The following PTPRF variants were observed in gnomAD, a reference collection of about 807,000 sequenced individuals.
PTPRF encodes the protein protein tyrosine phosphatase receptor type F, also known as receptor-type tyrosine-protein phosphatase F.
In PTPRF, 59 loss-of-function variants were observed where a neutral mutation model predicts 201.8. The observed-to-expected ratio is 0.29, with a 90% CI of 0.24 to 0.36. The LOEUF (loss-of-function observed/expected upper bound fraction) is 0.36, where lower values mean the gene tolerates loss of function less well. Among genes scored for constraint, PTPRF ranks in the 10% least tolerant of loss-of-function variants. The probability of loss-of-function intolerance (pLI) is 1.00; values close to 1 mark genes in which losing one functional copy is unlikely to be tolerated. For synonymous variants in PTPRF, 1,088 were observed against 1,089.7 expected (o/e 1.00, Z 0.03); for missense variants, 2,132 against 2,690.5 (o/e 0.79, Z 4.59).
At position 43,606,799 on chromosome 1, in the gene PTPRF, T is replaced by C; in HGVS notation, c.3703-15T>C. 1 of 1,611,146 alleles carries C rather than the reference T, an allele frequency of 6.2e-7. No homozygotes were observed. The highest frequency in any genetic ancestry group is 8.5e-7 in the Non-Finnish European group (1 of 1,178,734). On this transcript the variant is annotated splice_polypyrimidine_tract_variant and intron_variant, in intron 20 of 33. Coordinates refer to ENST00000359947, the MANE Select transcript of PTPRF (RefSeq NM_002840.5). ...ACGCTGAGCTCACAGCCTGCTGTTCTCCACCGGGCCACAGAAGCGCTATGC... is the reference window on the plus strand; with the variant it reads ...ACGCTGAGCTCACAGCCTGCTGTTCCCCACCGGGCCACAGAAGCGCTATGC...
At chr1:43,621,601 C>G (rs894537888) in intron 33 of PTPRF, among the ~76,000 whole-genome samples, 1 of 152,174 alleles carries the variant, frequency 6.6e-6, no homozygotes, top group Non-Finnish European at 1.5e-5. Context: ...TTCTTTCATT[C>G]GGCAGCTCTC....
Position 43,613,719 on chromosome 1 carries a change from A to T in PTPRF, c.4071+4A>T. The T allele has an allele frequency of 6.2e-7, 1 of 1,612,700 alleles. No individual in the cohort carries two copies. Among genetic ancestry groups the T allele is most frequent in the Non-Finnish European group, 8.5e-7 (1 of 1,178,692 alleles). ...CAAGTTCTCCCAGGAGTATGAGGTG[A>T]GATGTTCCCGCCCCCTACCATGTGC... On this transcript the variant is annotated splice_donor_region_variant and intron_variant, in intron 23 of 33. Transcript: ENST00000359947.
At chr1:43,540,222 C>T (rs1644275979) in intron 2 of PTPRF, among the ~76,000 whole-genome samples, 1 of 152,172 alleles carries the variant, frequency 6.6e-6, no homozygotes, top group Admixed American at 6.5e-5. Context: ...AAAAATGTCT[C>T]CAGTCGTTGC....
At chr1:43,583,145 C>T (rs1169696286) in intron 7 of PTPRF, 7 of 968,912 alleles carry the variant, frequency 7.2e-6, no homozygotes, top group East Asian at 1.1e-4. Flanking sequence ...CGATGGGACA[C>T]GCCTGTCAGT....
intron 1 of PTPRF, chr1:43,532,479 G>A (rs1420799026): frequency 1.3e-5 from 2 of 155,022 alleles, no homozygotes; most frequent in Non-Finnish European, 2.9e-5. Flanking sequence ...GAGCGATCTG[G>A]TGTCGGATCT....
At chr1:43,523,933 T>C (rs1408374628), upstream of PTPRF, among the ~76,000 whole-genome samples, 1 of 149,842 alleles carries the variant, frequency 6.7e-6, no homozygotes, top group Non-Finnish European at 1.5e-5. Flanking sequence ...CATGGTGCCA[T>C]GCACCTGTGG....
At chr1:43,534,350 G>T (rs374570908) in intron 1 of PTPRF, among the ~76,000 whole-genome samples, 1 of 152,204 alleles carries the variant, frequency 6.6e-6, no homozygotes, top group East Asian at 1.9e-4. Context: ...ATGCTCTGTG[G>T]CTATGGGAAA....
chr1:43,533,882 C>T (rs973330245), intron 1 of PTPRF, among the ~76,000 whole-genome samples: 4 of 152,166 alleles, frequency 2.6e-5, no homozygotes, highest in South Asian at 2.1e-4. Flanking sequence ...TAGGCGCTTT[C>T]GGCCCCGGCT....
intron 5 of PTPRF, among the ~76,000 whole-genome samples, chr1:43,567,056 C>T (rs944339462): frequency 1.3e-5 from 2 of 152,188 alleles, no homozygotes; most frequent in African/African-American, 4.8e-5. Flanking sequence ...TCCCTATCTG[C>T]GGGTGGAGAT....
intron 3 of PTPRF, among the ~76,000 whole-genome samples, chr1:43,550,378 C>G (rs2819337): frequency 0.036 from 5,463 of 151,870 alleles, 165 homozygotes; most frequent in Non-Finnish European, 0.054. Flanking sequence ...CAGGCGCACT[C>G]GCCCGGCCAT....
Position 43,619,507 on chromosome 1 carries a change from C to T in PTPRF, c.4866C>T (p.Ala1622=). The T allele has an allele frequency of 4.3e-6, 7 of 1,614,038 alleles. No individual in the cohort carries two copies. Among genetic ancestry groups the T allele is most frequent in the Non-Finnish European group, 4.2e-6 (5 of 1,180,040 alleles). The part of the protein sequence containing the change: ...HTEVPARNLY[A]HIQKLGQVPP... ...AGGTGCCTGCCCGCAACCTGTATGC[C>T]CACATCCAGAAGCTGGGCCAAGTGC... Residue 1622 remains alanine (A), a synonymous_variant, in exon 28 of 34, where the codon GCC becomes GCT. Coordinates refer to ENST00000359947, the MANE Select transcript of PTPRF (RefSeq NM_002840.5).
Position 43,617,557 on chromosome 1 carries a change from C to A in PTPRF, c.4184C>A (p.Thr1395Asn). The A allele has an allele frequency of 6.2e-7, 1 of 1,614,020 alleles. No homozygotes were observed. The highest frequency in any genetic ancestry group is 8.5e-7 in the Non-Finnish European group (1 of 1,180,006). The change falls in exon 24 of 34, where the codon ACC (threonine) becomes AAC (asparagine). Residue 1395 changes from threonine to asparagine, a missense_variant. By Grantham distance (65) the Thr-to-Asn change is moderately conservative. Coordinates refer to ENST00000359947, the MANE Select transcript of PTPRF (RefSeq NM_002840.5). ...IAYDHSRVIL[T>N]SIDGVPGSDY... Reference sequence around the variant, plus strand: ...TACGACCACTCTCGAGTCATCCTTACCTCTATCGATGGTGAGCCAAGGGGG... The same window carrying A: ...TACGACCACTCTCGAGTCATCCTTAACTCTATCGATGGTGAGCCAAGGGGG...
rs765630159 is a variant in PTPRF at position 43,603,956 on chromosome 1, C to T, written c.2804C>T (p.Ala935Val). 6.2e-7 allele frequency: 1 copy of T among 1,614,128 alleles called. No individual in the cohort carries two copies. The highest frequency in any genetic ancestry group is 8.5e-7 in the Non-Finnish European group (1 of 1,180,042). ...CTGACCACGTCTACCACAGAACTGG[C>T]CTGGGACCCGCCAGTGCTGGCGGAG... The part of the protein sequence containing the change: ...TGLTTSTTEL[A>V]WDPPVLAERN... The change falls in exon 16 of 34, where the codon GCC (alanine) becomes GTC (valine). Residue 935 changes from alanine to valine, a missense_variant. Ala to Val is a moderately conservative substitution (Grantham distance 64). Around this residue, in one of 6 missense-constraint regions of PTPRF, gnomAD observed 818 missense variants for 915.3 expected, o/e 0.89. Coordinates refer to ENST00000359947, the MANE Select transcript of PTPRF (RefSeq NM_002840.5). This position sits in a 1 kb window ranked among gnomAD's most constrained non-coding sequence, Gnocchi z 5.8.
chr1:43,530,499 T>A (rs1245919101), upstream of PTPRF, among the ~76,000 whole-genome samples: 1 of 152,012 alleles, frequency 6.6e-6, no homozygotes, highest in African/African-American at 2.4e-5. The surrounding 1 kb of genome is among the most constrained non-coding windows in gnomAD (Gnocchi z 4.1). Flanking sequence ...TTGTGCTAAT[T>A]TGGGGGCAGA....
intron 7 of PTPRF, among the ~76,000 whole-genome samples, chr1:43,584,864 C>T (rs1648708847): frequency 6.6e-6 from 1 of 152,184 alleles, no homozygotes; most frequent in Non-Finnish European, 1.5e-5. Flanking sequence ...TGAGTGAATG[C>T]AGATTGCGGG....
chr1:43,610,142 G>A (rs752238322), intron 22 of PTPRF, among the ~76,000 whole-genome samples: 18 of 152,082 alleles, frequency 1.2e-4, no homozygotes, highest in Non-Finnish European at 2.4e-4. Flanking sequence ...TCCTTTTGAC[G>A]CCTCTCACAG....
Position 43,592,443 on chromosome 1 carries a change from C to T in PTPRF, c.1669-14C>T. On this transcript the variant is annotated splice_polypyrimidine_tract_variant and intron_variant, in intron 10 of 33. Coordinates refer to ENST00000359947, the MANE Select transcript of PTPRF (RefSeq NM_002840.5). ...AGCTCAGAGCTGTCAGTGAGTGCTC[C>T]CTGCTCTTCCCAGCACAAGGTGACC... 1 of 1,596,934 alleles carries T rather than the reference C, an allele frequency of 6.3e-7. No individual in the cohort carries two copies. Among genetic ancestry groups the T allele is most frequent in the South Asian group, 1.1e-5 (1 of 88,086 alleles).
chr1:43,539,466 C>T (rs1369622518), intron 2 of PTPRF, among the ~76,000 whole-genome samples: 1 of 152,220 alleles, frequency 6.6e-6, no homozygotes, highest in Non-Finnish European at 1.5e-5. Flanking sequence ...TCTTGTTCAT[C>T]ACCCTGCCCA....
At chr1:43,540,973 C>G (rs939608723) in intron 2 of PTPRF, among the ~76,000 whole-genome samples, 4 of 152,272 alleles carry the variant, frequency 2.6e-5, no homozygotes, top group African/African-American at 9.6e-5. Flanking sequence ...CAGTGCCACG[C>G]GGTGAACTGT....
Sources: gnomAD v4.1 joint callset for allele counts (sites outside exome capture counted in the v4.1 genomes callset) on GRCh38, gnomAD v4.1.1 for gene constraint, gnomAD v4.1.1 regional missense constraint, Gnocchi (gnomAD v3.1) non-coding constraint, MANE v1.5 for transcripts, NCBI Gene and HGNC (gene_info 2026-07-23, HGNC 2026-07-21) for gene names.